CCR9: variants seen among roughly 807,000 people sequenced by gnomAD.
CCR9 encodes C-C chemokine receptor type 9.
CCR9 carries 4 observed loss-of-function variants against 8.7 expected under a neutral mutation model. The ratio of observed to expected loss-of-function variants is 0.46; its 90% CI spans 0.23 to 1.06. The LOEUF (loss-of-function observed/expected upper bound fraction) is 1.06, where lower values mean the gene tolerates loss of function less well. Among genes scored for constraint, CCR9 ranks in the 50% least tolerant of loss-of-function variants. CCR9 has a pLI of 0.21. For missense variants in CCR9, 394 were observed against 453.6 expected, an observed-to-expected ratio of 0.87 and a Z score of 1.19; for synonymous variants, 159 against 168.8, an observed-to-expected ratio of 0.94 and a Z score of 0.45.
intron 1 of CCR9, among the ~76,000 whole-genome samples, chr3:45,888,296 C>T (rs1351401761): frequency 6.6e-6 from 1 of 152,146 alleles, no homozygotes; most frequent in Admixed American, 6.5e-5. Context: ...TGCTCTTCGG[C>T]CTTCAAGGAC....
rs199554945 is a variant in CCR9, at chr3:45,900,816, A to G, written c.28A>G (p.Ile10Val). ...ATCTTGTGTCCCCTTGCAGAGCCCT[A>G]TTCCTAACATGGCTGATGACTATGG... Reference protein sequence around the residue: MTPTDFTSPIPNMADDYGSE... With the variant: MTPTDFTSPVPNMADDYGSE... Residue 10 changes from isoleucine (I) to valine (V), a missense_variant, in exon 3 of 3, where the codon ATT (isoleucine) becomes GTT (valine). Transcript: ENST00000357632. The surrounding 1 kb of genome is among the most constrained non-coding windows in gnomAD (Gnocchi z 4.7). The G allele has an allele frequency of 1.1e-5, 17 of 1,610,738 alleles. No homozygotes were observed. Among genetic ancestry groups the G allele is most frequent in the Non-Finnish European group, 1.2e-5 (14 of 1,177,696 alleles).
At position 45,901,416 on chromosome 3, in the gene CCR9, C is replaced by T. The variant is rs201414744; in HGVS notation, c.628C>T (p.Leu210=). 2.5e-6 allele frequency: 4 copies of T among 1,614,220 alleles called. No individual in the cohort carries two copies. Among genetic ancestry groups the T allele is most frequent in the East Asian group, 2.2e-5 (1 of 44,882 alleles). Residue 210 remains leucine (L), a synonymous_variant, in exon 3 of 3, where the codon CTG becomes TTG. Transcript: ENST00000357632. This position sits in a 1 kb window ranked among gnomAD's most constrained non-coding sequence, Gnocchi z 4.3. The stretch of plus-strand genomic sequence containing the variant: ...TTACCCTAGCGATGAGAGCACCAAA[C>T]TGAAGTCAGCTGTCTTGACCCTGAA... ...MVYPSDESTK[L]KSAVLTLKVI...
intron 2 of CCR9, among the ~76,000 whole-genome samples, chr3:45,898,561 C>T (rs910371774): frequency 1.3e-5 from 2 of 152,232 alleles, no homozygotes; most frequent in African/African-American, 2.4e-5. Flanking sequence ...CTGGGTCCCT[C>T]TCTTTGCAAT....
intron 2 of CCR9, among the ~76,000 whole-genome samples, chr3:45,899,361 T>A (rs1443583198): frequency 6.6e-6 from 1 of 152,232 alleles, no homozygotes; most frequent in Non-Finnish European, 1.5e-5. Context: ...TTACAATGTA[T>A]ACAGATAGGG....
chr3:45,890,335 A>AAATAT (rs367843336), intron 1 of CCR9, among the ~76,000 whole-genome samples: 1,187 of 61,748 alleles, frequency 0.019, 326 homozygotes, highest in African/African-American at 0.14. Flanking sequence ...ATATATATAT[A>AAATAT]ACATATATAT....
At position 45,900,911 on chromosome 3, in the gene CCR9, CA is replaced by C; in HGVS notation, c.125del (p.Asn42MetfsTer38). On this transcript the variant is annotated frameshift_variant, in exon 3 of 3. Coordinates refer to ENST00000357632, the MANE Select transcript of CCR9 (RefSeq NM_031200.3). LOFTEE classifies it low-confidence loss of function (END_TRUNC). The surrounding 1 kb of genome is among the most constrained non-coding windows in gnomAD (Gnocchi z 4.7). ...TCACTGACTTCTACTGTGAGAAAAACAATGTCAGGCAGTTTGCGAGCCATTT... is the reference window on the plus strand; with the variant it reads ...TCACTGACTTCTACTGTGAGAAAAACATGTCAGGCAGTTTGCGAGCCATTT... ...NFTDFYCEKN[N>X]VRQFASHFLP... is the part of the protein sequence containing the mutation. 1 of 1,614,176 alleles carries C rather than the reference CA, an allele frequency of 6.2e-7. No homozygotes were observed. The highest frequency in any genetic ancestry group is 1.1e-5 in the South Asian group (1 of 91,086).
At chr3:45,887,933 G>A (rs770223545) in intron 1 of CCR9, among the ~76,000 whole-genome samples, 1 of 152,218 alleles carries the variant, frequency 6.6e-6, no homozygotes, top group African/African-American at 2.4e-5. Context: ...ATTGTACAAA[G>A]TTCAAAGTAA....
intron 2 of CCR9, among the ~76,000 whole-genome samples, chr3:45,898,165 A>G (rs779214325): frequency 2.0e-5 from 3 of 152,114 alleles, no homozygotes; most frequent in Non-Finnish European, 2.9e-5. Flanking sequence ...TGTGATGTCC[A>G]CTGTGGGGTC....
rs1368501370 is a variant in CCR9, at chr3:45,900,611, T to A, written c.22-199T>A. Among the ~76,000 whole-genome samples, 1 of 152,184 alleles carries A rather than the reference T, an allele frequency of 6.6e-6. No homozygotes were observed. The highest frequency in any genetic ancestry group is 1.9e-4 in the East Asian group (1 of 5,198). On this transcript the variant is annotated intron_variant, in intron 2 of 2. Transcript: ENST00000357632. This position sits in a 1 kb window ranked among gnomAD's most constrained non-coding sequence, Gnocchi z 4.7. ...TTGGCACATAGCACAGTAGCCAACA[T>A]ACAGTATGTGCTTAATAAACATCTG... is the stretch of plus-strand genomic sequence containing the variant.
rs141486114 is a variant in CCR9 at position 45,899,794 on chromosome 3, C to T, written c.22-1016C>T. Among the ~76,000 whole-genome samples, 67 of 152,284 alleles carry T rather than the reference C, an allele frequency of 4.4e-4. No individual in the cohort carries two copies. In the East Asian group the frequency reaches 0.011, roughly 25 times the overall value. The stretch of plus-strand genomic sequence containing the variant: ...CAGCAGTCCACATCCTTCATTACCT[C>T]CCACCCCAGGTTTGACTCAAGGGCT... On this transcript the variant is annotated intron_variant, in intron 2 of 2. Transcript: ENST00000357632.
At chr3:45,897,576 G>A (rs901725432) in intron 2 of CCR9, 12 of 1,535,266 alleles carry the variant, frequency 7.8e-6, no homozygotes, top group East Asian at 7.3e-5. Context: ...TCCAGGCCCC[G>A]CTCCAGATCA....
At chr3:45,899,153 C>T (rs1262001952) in intron 2 of CCR9, among the ~76,000 whole-genome samples, 2 of 152,184 alleles carry the variant, frequency 1.3e-5, no homozygotes, top group Non-Finnish European at 2.9e-5. Context: ...GAAGCAAGAG[C>T]AAAACTCCGT....
In CCR9 at chr3:45,900,305, C is replaced by G. The variant is rs1388597899; in HGVS notation, c.22-505C>G. ...TGTATGTGGGTGTATGCTGGTGCTC[C>G]CGGAGCTTTCAGGAAACTCAGGGGA... On this transcript the variant is annotated intron_variant, in intron 2 of 2. Coordinates refer to ENST00000357632, the MANE Select transcript of CCR9 (RefSeq NM_031200.3). The surrounding 1 kb of genome is among the most constrained non-coding windows in gnomAD (Gnocchi z 4.7). Among the ~76,000 whole-genome samples the G allele has an allele frequency of 6.6e-6, 1 of 151,978 alleles. No homozygotes were observed. Among genetic ancestry groups the G allele is most frequent in the African/African-American group, 2.4e-5 (1 of 41,378 alleles).
chr3:45,900,705 ATAGGTGTT>A lies in CCR9; in HGVS notation c.22-103_22-96del. 1 of 1,144,134 alleles carries A rather than the reference ATAGGTGTT, an allele frequency of 8.7e-7. No homozygotes were observed. The highest frequency in any genetic ancestry group is 1.5e-5 in the South Asian group (1 of 67,216). The allele number at this position is 1,144,134 out of a possible 1,614,324, so 70.9% of individuals were successfully genotyped here. ...ATGCCTATGTGTCTTTGGCCTTATCATAGGTGTTTGGGGTTGGAAGGGTCAAGAGGTCC... is the reference window on the plus strand; with the variant it reads ...ATGCCTATGTGTCTTTGGCCTTATCATGGGGTTGGAAGGGTCAAGAGGTCC... On this transcript the variant is annotated intron_variant, in intron 2 of 2. Coordinates refer to ENST00000357632, the MANE Select transcript of CCR9 (RefSeq NM_031200.3). This position sits in a 1 kb window ranked among gnomAD's most constrained non-coding sequence, Gnocchi z 4.7.
At chr3:45,888,805 G>A (rs552203673) in intron 1 of CCR9, among the ~76,000 whole-genome samples, 1 of 151,586 alleles carries the variant, frequency 6.6e-6, no homozygotes, top group East Asian at 1.9e-4. Context: ...AAAAATGAAA[G>A]AGAAATAGAT....
chr3:45,896,622 A>G (rs1702364358), intron 2 of CCR9, among the ~76,000 whole-genome samples: 1 of 152,214 alleles, frequency 6.6e-6, no homozygotes, highest in Non-Finnish European at 1.5e-5. Context: ...GCTGTTGGCA[A>G]TCATAGCTTT....
chr3:45,886,259 C>T (rs898502819), upstream of CCR9, among the ~76,000 whole-genome samples: 6 of 152,288 alleles, frequency 3.9e-5, no homozygotes, highest in South Asian at 2.1e-4. Context: ...TGACTTCTCT[C>T]GATGGGATCC....
chr3:45,897,640 T>C, intron 2 of CCR9: 1 of 1,527,668 alleles, frequency 6.5e-7, no homozygotes, highest in Non-Finnish European at 8.8e-7. Context: ...AGCCCAGGAC[T>C]AACACAGCTA....
intron 2 of CCR9, chr3:45,897,506 T>C: frequency 8.5e-7 from 1 of 1,173,212 alleles, no homozygotes; most frequent in Non-Finnish European, 1.2e-6. Flanking sequence ...TGGAGAAAGC[T>C]GGGTCACCCA....
Sources: gnomAD v4.1 joint callset for allele counts (sites outside exome capture counted in the v4.1 genomes callset) on GRCh38, gnomAD v4.1.1 for gene constraint, Gnocchi (gnomAD v3.1) non-coding constraint, MANE v1.5 for transcripts, NCBI Gene and HGNC (gene_info 2026-07-23, HGNC 2026-07-21) for gene names.